CWC27: variants seen among roughly 807,000 people sequenced by gnomAD.
The protein encoded by CWC27 is CWC27 spliceosome associated cyclophilin, also known as spliceosome-associated protein CWC27 homolog.
Under a neutral mutation model 63.6 loss-of-function variants are expected in CWC27, and 47 were observed. The observed-to-expected ratio is 0.74, with a 90% CI of 0.58 to 0.94. The LOEUF is 0.94. Among genes scored for constraint, CWC27 ranks in the 40% least tolerant of loss-of-function variants. CWC27 has a pLI of 0.00. For missense variants in CWC27, 495 were observed against 554.3 expected, an observed-to-expected ratio of 0.89 and a Z score of 1.07; for synonymous variants, 175 against 179.8, an observed-to-expected ratio of 0.97 and a Z score of 0.22.
intron 10 of CWC27, among the ~76,000 whole-genome samples, chr5:64,865,669 CTAAATCTCTCGATTTTT>C (rs1334244845): frequency 6.6e-6 from 1 of 151,918 alleles, no homozygotes; most frequent in East Asian, 1.9e-4. Context: ...GGTTTAAGGG[CTAAATCTCTCGATTTTT>C]TACTTTATAA....
intron 7 of CWC27, among the ~76,000 whole-genome samples, chr5:64,799,830 G>C (rs1336832937): frequency 6.6e-6 from 1 of 151,762 alleles, no homozygotes; most frequent in Admixed American, 6.6e-5. Flanking sequence ...TTTTGCTTGA[G>C]TAACATTTTA....
At chr5:64,848,670 C>T (rs978714821) in intron 10 of CWC27, among the ~76,000 whole-genome samples, 13 of 152,102 alleles carry the variant, frequency 8.5e-5, no homozygotes, top group Non-Finnish European at 1.9e-4. Context: ...CTGAGATACA[C>T]AAAAGACTCA....
chr5:65,018,394 C>T lies in CWC27; in HGVS notation c.*73C>T, dbSNP rs1750088586. The T allele has an allele frequency of 7.6e-7, 1 of 1,313,280 alleles. No homozygotes were observed. The highest frequency in any genetic ancestry group is 1.5e-5 in the African/African-American group (1 of 66,890). The allele number at this position is 1,313,280 out of a possible 1,614,324, so 81.4% of individuals were successfully genotyped here. Reference sequence around the variant, plus strand: ...GCCTTGTAACAGCCATTGTTCCCAACAGCATCACTTAGGGGTGTGAAAAGA... The same window carrying T: ...GCCTTGTAACAGCCATTGTTCCCAATAGCATCACTTAGGGGTGTGAAAAGA... On this transcript the variant is annotated 3_prime_UTR_variant, in exon 14 of 14. Transcript: ENST00000381070.
At chr5:64,936,427 G>C (rs1580736332) in intron 11 of CWC27, among the ~76,000 whole-genome samples, 1 of 152,216 alleles carries the variant, frequency 6.6e-6, no homozygotes, top group Non-Finnish European at 1.5e-5. Context: ...TGTTGAACCA[G>C]CCATGCATCC....
At chr5:64,860,202 A>G (rs1746363459) in intron 10 of CWC27, among the ~76,000 whole-genome samples, 1 of 152,204 alleles carries the variant, frequency 6.6e-6, no homozygotes, top group Non-Finnish European at 1.5e-5. Context: ...TTACAATTTA[A>G]TAATGTTATT....
intron 10 of CWC27, among the ~76,000 whole-genome samples, chr5:64,856,929 A>G (rs534904657): frequency 6.6e-6 from 1 of 152,330 alleles, no homozygotes; most frequent in Non-Finnish European, 1.5e-5. Context: ...TAATTAACCC[A>G]GGTGAAAATA....
intron 12 of CWC27, among the ~76,000 whole-genome samples, chr5:64,975,862 G>A (rs528712805): frequency 6.6e-6 from 1 of 152,118 alleles, no homozygotes; most frequent in East Asian, 1.9e-4. Flanking sequence ...GTCAGGAATT[G>A]GAGACCGGCC....
intron 2 of CWC27, among the ~76,000 whole-genome samples, chr5:64,781,349 TA>T (rs1743681040): frequency 6.6e-6 from 1 of 152,180 alleles, no homozygotes; most frequent in South Asian, 2.1e-4. Flanking sequence ...CTATAACTAA[TA>T]AGTAATTTTG....
chr5:64,804,176 A>G (rs1744579101), intron 9 of CWC27, 53 bp from the exon 10 acceptor site: 1 of 1,513,822 alleles, frequency 6.6e-7, no homozygotes, highest in Non-Finnish European at 8.9e-7. Flanking sequence ...AGATCTCTAG[A>G]AATGAAAGGG....
intron 10 of CWC27, among the ~76,000 whole-genome samples, chr5:64,847,474 G>C (rs1192847378): frequency 6.6e-6 from 1 of 152,188 alleles, no homozygotes; most frequent in Non-Finnish European, 1.5e-5. Context: ...AAAATGGACA[G>C]ATTAGCAATC....
intron 13 of CWC27, among the ~76,000 whole-genome samples, chr5:65,007,391 A>T (rs1226725672): frequency 6.6e-6 from 1 of 152,212 alleles, no homozygotes; most frequent in African/African-American, 2.4e-5. Context: ...GATATCAAGT[A>T]AAAGCTAAGG....
chr5:64,858,458 T>C (rs1357414344), intron 10 of CWC27, among the ~76,000 whole-genome samples: 1 of 125,646 alleles, frequency 8.0e-6, no homozygotes, highest in East Asian at 2.4e-4. Context: ...TGAGACTCCA[T>C]CTCAAAATAA....
intron 10 of CWC27, among the ~76,000 whole-genome samples, chr5:64,842,910 G>C (rs551020549): frequency 6.6e-6 from 1 of 152,092 alleles, no homozygotes; most frequent in Non-Finnish European, 1.5e-5. Flanking sequence ...CCTTTTTCAA[G>C]TTCTAATTGT....
At chr5:65,004,176 T>C (rs951321832) in intron 13 of CWC27, among the ~76,000 whole-genome samples, 3 of 152,208 alleles carry the variant, frequency 2.0e-5, no homozygotes, top group Admixed American at 2.0e-4. Context: ...TTGATTATAA[T>C]GTGGCTTTTA....
intron 10 of CWC27, among the ~76,000 whole-genome samples, chr5:64,832,227 A>G (rs1317371889): frequency 2.0e-5 from 3 of 151,748 alleles, no homozygotes; most frequent in Non-Finnish European, 2.9e-5. Flanking sequence ...CAAGTTATGC[A>G]GATCTTCCAA....
chr5:64,937,517 A>T (rs1426962990), intron 11 of CWC27, among the ~76,000 whole-genome samples: 1 of 152,106 alleles, frequency 6.6e-6, no homozygotes, highest in Non-Finnish European at 1.5e-5. Flanking sequence ...TTCCAGTTAT[A>T]TGGTAAATTT....
chr5:64,865,202 A>G (rs1334480612), intron 10 of CWC27, among the ~76,000 whole-genome samples: 8 of 152,060 alleles, frequency 5.3e-5, no homozygotes, highest in Admixed American at 5.2e-4. Context: ...ATTAACATTT[A>G]CAGTGAGACA....
At chr5:64,826,576 C>T (rs576696057) in intron 10 of CWC27, among the ~76,000 whole-genome samples, 27 of 152,164 alleles carry the variant, frequency 1.8e-4, no homozygotes, top group African/African-American at 6.5e-4. Flanking sequence ...TTTCCTTGAT[C>T]AATCAGTTTT....
rs771787453 is a variant in CWC27 at position 64,774,671 on chromosome 5, A to G, written c.43-20A>G. 1.4e-5 allele frequency: 20 copies of G among 1,397,402 alleles called. No individual in the cohort carries two copies. In the South Asian group the frequency reaches 2.6e-4, roughly 18 times the overall value. 86.6% of individuals were successfully genotyped at this position (1,397,402 alleles called of 1,614,324 possible). On this transcript the variant is annotated intron_variant, in intron 1 of 13. Transcript: ENST00000381070. Reference sequence around the variant, plus strand: ...TTAAGCAAAATAATAATTTAATAAAATGTAATATTCTTTCTACAGGTTTTA... The same window carrying G: ...TTAAGCAAAATAATAATTTAATAAAGTGTAATATTCTTTCTACAGGTTTTA...
Sources: gnomAD v4.1 joint callset for allele counts (sites outside exome capture counted in the v4.1 genomes callset) on GRCh38, gnomAD v4.1.1 for gene constraint, MANE v1.5 for transcripts, NCBI Gene and HGNC (gene_info 2026-07-23, HGNC 2026-07-21) for gene names.